Variants in GTF2E2 observed in about 807,000 individuals in gnomAD.
GTF2E2 encodes the protein transcription initiation factor IIE subunit beta.
Under a neutral mutation model 40.5 loss-of-function variants are expected in GTF2E2, and 21 were observed. The ratio of observed to expected loss-of-function variants is 0.52; its 90% CI spans 0.37 to 0.75. GTF2E2 has a LOEUF of 0.75. Ranked by LOEUF, GTF2E2 falls within the 30% of genes least tolerant of loss-of-function variation. The probability of loss-of-function intolerance (pLI) is 0.00; values close to 1 mark genes in which losing one functional copy is unlikely to be tolerated. For missense variants in GTF2E2, 298 were observed against 338.4 expected (o/e 0.88, Z 0.94); for synonymous variants, 117 against 121.6 (o/e 0.96, Z 0.25).
intron 6 of GTF2E2, among the ~76,000 whole-genome samples, chr8:30,585,312 G>A (rs1344447481): frequency 1.3e-5 from 2 of 152,194 alleles, no homozygotes; most frequent in Non-Finnish European, 2.9e-5. Context: ...ACCTATTACT[G>A]TTATCATCAC....
chr8:30,590,697 T>G (rs935139896), intron 6 of GTF2E2, among the ~76,000 whole-genome samples: 5 of 151,702 alleles, frequency 3.3e-5, no homozygotes, highest in Admixed American at 1.3e-4. Context: ...TCAAAAACTT[T>G]TTTTTTTTTT....
chr8:30,578,319 G>T lies in GTF2E2; in HGVS notation c.*602C>A, dbSNP rs1828416297. 1 of 152,226 alleles carries T rather than the reference G, an allele frequency of 6.6e-6. No individual in the cohort carries two copies. The highest frequency in any genetic ancestry group is 1.5e-5 in the Non-Finnish European group (1 of 68,084). The allele number at this position is 152,226 out of a possible 1,614,324, so 9.4% of individuals were successfully genotyped here. A position where few individuals can be genotyped will look rare whatever the true frequency, so the allele number is the denominator to read the frequency against. On this transcript the variant is annotated 3_prime_UTR_variant, in exon 8 of 8. Transcript: ENST00000355904. ...CTTTTTAAAAGAAAACATTAACAAT[G>T]ACATCCAGCACATCTTTATTGCTCT...
At chr8:30,591,446 T>C (rs1170015744) in intron 6 of GTF2E2, among the ~76,000 whole-genome samples, 1 of 152,038 alleles carries the variant, frequency 6.6e-6, no homozygotes, top group Non-Finnish European at 1.5e-5. Flanking sequence ...ATAGCATCAC[T>C]GCACTCAAGC....
chr8:30,609,131 T>TGG (rs1341062543), intron 5 of GTF2E2, among the ~76,000 whole-genome samples: 1 of 151,838 alleles, frequency 6.6e-6, no homozygotes, highest in Non-Finnish European at 1.5e-5. Flanking sequence ...CTGAACACGG[T>TGG]GGCAGGTGTC....
chr8:30,627,840 G>T (rs1304958457), intron 3 of GTF2E2, among the ~76,000 whole-genome samples: 1 of 152,228 alleles, frequency 6.6e-6, no homozygotes, highest in African/African-American at 2.4e-5. Flanking sequence ...CAAGAAAATA[G>T]TAGGCCATCC....
chr8:30,599,384 C>T (rs111642095), intron 6 of GTF2E2, among the ~76,000 whole-genome samples: 1,895 of 152,046 alleles, frequency 0.012, 51 homozygotes, highest in African/African-American at 0.043. Flanking sequence ...CAAGAACTAG[C>T]CTGGCCAACA....
chr8:30,627,448 CAAAAAAAAAAA>C (rs71539905), intron 3 of GTF2E2, among the ~76,000 whole-genome samples: 1 of 64,778 alleles, frequency 1.5e-5, no homozygotes, highest in Admixed American at 2.0e-4. Flanking sequence ...ACCTCTCTTG[CAAAAAAAAAAA>C]AAAAAAAAAA....
chr8:30,641,872 T>C (rs1801847675), intron 2 of GTF2E2, among the ~76,000 whole-genome samples: 1 of 151,884 alleles, frequency 6.6e-6, no homozygotes, highest in African/African-American at 2.4e-5. Context: ...CGAGACTCTG[T>C]CTCAAACCAA....
chr8:30,585,126 C>T (rs191153291), intron 6 of GTF2E2: 265 of 152,652 alleles, frequency 1.7e-3, no homozygotes, highest in Non-Finnish European at 2.5e-3. Flanking sequence ...GCAGAGGTTG[C>T]GGTGAGCCGA....
At chr8:30,592,813 C>A (rs1346919534) in intron 6 of GTF2E2, among the ~76,000 whole-genome samples, 1 of 152,144 alleles carries the variant, frequency 6.6e-6, no homozygotes, top group East Asian at 1.9e-4. Flanking sequence ...CATGGAGGGC[C>A]AATGATACTT....
At chr8:30,603,867 T>C (rs1465875799) in intron 6 of GTF2E2, among the ~76,000 whole-genome samples, 2 of 151,256 alleles carry the variant, frequency 1.3e-5, no homozygotes, top group African/African-American at 2.4e-5. Context: ...ATAGAGAAAA[T>C]AACAGTGAGA....
At chr8:30,596,196 T>A (rs1829000561) in intron 6 of GTF2E2, among the ~76,000 whole-genome samples, 1 of 152,244 alleles carries the variant, frequency 6.6e-6, no homozygotes, top group Non-Finnish European at 1.5e-5. Context: ...TCATTAATTT[T>A]AGAAAATTCT....
chr8:30,594,286 C>A (rs1389569467), intron 6 of GTF2E2, among the ~76,000 whole-genome samples: 2 of 151,542 alleles, frequency 1.3e-5, no homozygotes, highest in Non-Finnish European at 2.9e-5. Context: ...TAGACAGAGT[C>A]TCCCTCTGTC....
At chr8:30,631,847 G>A (rs1259382260) in intron 3 of GTF2E2, among the ~76,000 whole-genome samples, 1 of 152,202 alleles carries the variant, frequency 6.6e-6, no homozygotes, top group Admixed American at 6.5e-5. Flanking sequence ...TGTAATCCCA[G>A]CACTTCAGGA....
intron 1 of GTF2E2, among the ~76,000 whole-genome samples, chr8:30,656,096 G>A (rs888890523): frequency 2.6e-5 from 4 of 152,098 alleles, no homozygotes; most frequent in Non-Finnish European, 5.9e-5. Flanking sequence ...TTACAGGCGT[G>A]AGTCACCGCA....
At chr8:30,638,612 G>A (rs1801691325) in intron 2 of GTF2E2, 3 of 152,576 alleles carry the variant, frequency 2.0e-5, no homozygotes, top group East Asian at 1.9e-4. Context: ...CGATACCATC[G>A]CTTCAGCAGC....
rs919843803 is a variant in GTF2E2, at chr8:30,578,684, G to A, written c.*237C>T. On this transcript the variant is annotated 3_prime_UTR_variant, in exon 8 of 8. Transcript: ENST00000355904. ...CACAGCAAAGACACCTGCATGCCACGCTCAGCGCCTTTCTCCCAGGGAGTA... is the reference window on the plus strand; with the variant it reads ...CACAGCAAAGACACCTGCATGCCACACTCAGCGCCTTTCTCCCAGGGAGTA... 7.1e-5 allele frequency: 28 copies of A among 393,768 alleles called. No homozygotes were observed. Among genetic ancestry groups the A allele is most frequent in the Non-Finnish European group, 9.7e-5 (21 of 215,976 alleles). The allele number at this position is 393,768 out of a possible 1,614,324, so 24.4% of individuals were successfully genotyped here.
intron 4 of GTF2E2, 87 bp from the exon 5 acceptor site, chr8:30,612,568 C>G: frequency 2.5e-6 from 2 of 811,186 alleles, no homozygotes; most frequent in Non-Finnish European, 3.7e-6. Flanking sequence ...GCTCTGTCGC[C>G]CAGGCTGGAG....
intron 2 of GTF2E2, among the ~76,000 whole-genome samples, chr8:30,652,584 G>C (rs889681409): frequency 6.6e-6 from 1 of 151,606 alleles, no homozygotes. Flanking sequence ...CGTTAGCAAG[G>C]ATGAGAAAAA....
Sources: allele counts gnomAD v4.1 joint callset (sites outside exome capture counted in the v4.1 genomes callset), GRCh38; gene constraint gnomAD v4.1.1; transcripts MANE v1.5; gene names NCBI Gene and HGNC (gene_info 2026-07-23, HGNC 2026-07-21).